Variants in DLGAP2 observed in about 807,000 individuals in gnomAD.
The protein encoded by DLGAP2 is DLG associated protein 2.
Under a neutral mutation model 100.3 loss-of-function variants are expected in DLGAP2, and 26 were observed. That is an observed-to-expected ratio of 0.26 (90% CI 0.19 to 0.36). The LOEUF (loss-of-function observed/expected upper bound fraction) is 0.36, where lower values mean the gene tolerates loss of function less well. Among genes scored for constraint, DLGAP2 ranks in the 10% least tolerant of loss-of-function variants. The pLI, the probability that DLGAP2 is intolerant of heterozygous loss-of-function variation, is 1.00. For synonymous variants in DLGAP2, 886 were observed against 630.1 expected (o/e 1.41, Z -6.08); for missense variants, 1,858 against 1,453.2 (o/e 1.28, Z -4.53).
intron 1 of DLGAP2, among the ~76,000 whole-genome samples, chr8:817,073 G>A (rs1167614298): frequency 1.3e-5 from 2 of 151,716 alleles, no homozygotes; most frequent in African/African-American, 2.4e-5. Context: ...CCTGGGAGGC[G>A]GGGCTTTCAG....
At chr8:1,417,873 C>G (rs987491329) in intron 3 of DLGAP2, among the ~76,000 whole-genome samples, 23 of 152,274 alleles carry the variant, frequency 1.5e-4, no homozygotes, top group African/African-American at 3.9e-4. Context: ...TCAGAGTTCA[C>G]AACACAAAAG....
chr8:903,892 G>C (rs1798318453), intron 1 of DLGAP2, among the ~76,000 whole-genome samples: 1 of 152,212 alleles, frequency 6.6e-6, no homozygotes, highest in African/African-American at 2.4e-5. Flanking sequence ...CACTTCCCCA[G>C]CTCAGACTCA....
intron 2 of DLGAP2, among the ~76,000 whole-genome samples, chr8:1,227,192 C>CTATATTATA (rs1798440035): frequency 1.4e-5 from 1 of 71,282 alleles, no homozygotes; most frequent in African/African-American, 9.7e-5. Flanking sequence ...TATATATTAT[C>CTATATTATA]CATTCATTTT....
rs775679333 is a variant in DLGAP2 at position 1,549,557 on chromosome 8, C to T, written c.1104C>T (p.Arg368=). Residue 368 remains arginine, a synonymous_variant, in exon 5 of 15, where the codon CGC becomes CGT. Coordinates refer to ENST00000637795, the MANE Select transcript of DLGAP2 (RefSeq NM_001346810.2). Reference sequence around the variant, plus strand: ...CGCCCGACGCCAAGTACCTGAAGCGCAGCTCCTGGTCTACGCTGACGGTCA... The same window carrying T: ...CGCCCGACGCCAAGTACCTGAAGCGTAGCTCCTGGTCTACGCTGACGGTCA... The part of the protein sequence containing the change: ...ALTPDAKYLK[R]SSWSTLTVSQ... The T allele has an allele frequency of 4.3e-6, 7 of 1,613,214 alleles. No homozygotes were observed. The highest frequency in any genetic ancestry group is 2.2e-5 in the South Asian group (2 of 91,084).
At chr8:764,336 C>G (rs556108739) in intron 1 of DLGAP2, among the ~76,000 whole-genome samples, 1 of 152,298 alleles carries the variant, frequency 6.6e-6, no homozygotes, top group African/African-American at 2.4e-5. Context: ...TCTTTTTAAA[C>G]CTTTACTCGG....
rs553801011 is a variant in DLGAP2 at position 1,358,563 on chromosome 8, C to G, written c.106+99680C>G. 3.9e-5 allele frequency among the ~76,000 whole-genome samples: 6 copies of G among 152,260 alleles called. No homozygotes were observed. In the South Asian group the frequency reaches 1.0e-3, roughly 26 times the overall value. On this transcript the variant is annotated intron_variant, in intron 3 of 14. Transcript: ENST00000637795. ...TAACATCACGCTGGAGACCTCAAATCTATTCAATAAAACTTAGTGCAAGAA... is the reference window on the plus strand; with the variant it reads ...TAACATCACGCTGGAGACCTCAAATGTATTCAATAAAACTTAGTGCAAGAA...
intron 4 of DLGAP2, among the ~76,000 whole-genome samples, chr8:1,526,438 C>T (rs1381523033): frequency 6.6e-6 from 1 of 152,080 alleles, no homozygotes; most frequent in African/African-American, 2.4e-5. Context: ...GATTTAGACT[C>T]ATTCAACTTA....
At chr8:1,528,822 C>T (rs1800883988) in intron 4 of DLGAP2, among the ~76,000 whole-genome samples, 1 of 152,218 alleles carries the variant, frequency 6.6e-6, no homozygotes, top group African/African-American at 2.4e-5. Flanking sequence ...GGACTGGGAG[C>T]TCCCCTTTTA....
At position 1,537,916 on chromosome 8, in the gene DLGAP2, C is replaced by T. The variant is rs140549672; in HGVS notation, c.173-10710C>T. Among the ~76,000 whole-genome samples, 345 of 152,306 alleles carry T rather than the reference C, an allele frequency of 2.3e-3. 1 individual carries two copies. Among genetic ancestry groups the T allele is most frequent in the African/African-American group, 7.8e-3 (325 of 41,570 alleles). On this transcript the variant is annotated intron_variant, in intron 4 of 14. Transcript: ENST00000637795. ...AAGATGCTCATAGGAGAAGAAAGCT[C>T]TTACAATGGGTCTTAAAGATGGATG...
chr8:1,606,928 A>G (rs1457337685), intron 6 of DLGAP2, among the ~76,000 whole-genome samples: 2 of 152,136 alleles, frequency 1.3e-5, no homozygotes, highest in Non-Finnish European at 2.9e-5. Context: ...CGAGAGATCC[A>G]CCTACCGCAG....
intron 1 of DLGAP2, among the ~76,000 whole-genome samples, chr8:874,362 C>G (rs1797651796): frequency 6.6e-6 from 1 of 152,058 alleles, no homozygotes; most frequent in Admixed American, 6.6e-5. Context: ...CCCTTGAACC[C>G]TGCTTTGGCT....
chr8:1,433,282 C>T (rs537623092), intron 3 of DLGAP2, among the ~76,000 whole-genome samples: 2 of 152,234 alleles, frequency 1.3e-5, no homozygotes, highest in African/African-American at 2.4e-5. Flanking sequence ...CTCTGCTCTA[C>T]ATGTTCCGAA....
At chr8:1,284,937 C>T (rs1799892859) in intron 3 of DLGAP2, among the ~76,000 whole-genome samples, 1 of 152,188 alleles carries the variant, frequency 6.6e-6, no homozygotes, top group Non-Finnish European at 1.5e-5. Context: ...TTTTTGCCTG[C>T]CCATCTTTGC....
intron 3 of DLGAP2, among the ~76,000 whole-genome samples, chr8:1,471,704 A>T (rs555791042): frequency 6.6e-6 from 1 of 152,270 alleles, no homozygotes; most frequent in South Asian, 2.1e-4. Flanking sequence ...AAGACCAAGA[A>T]GGGTTCATAT....
intron 1 of DLGAP2, among the ~76,000 whole-genome samples, chr8:813,770 T>G (rs1168267953): frequency 1.3e-5 from 2 of 152,112 alleles, no homozygotes; most frequent in East Asian, 1.9e-4. Context: ...GGGTTCTTTC[T>G]CCCTCCACTG....
chr8:1,408,975 A>T (rs1796651904), intron 3 of DLGAP2, among the ~76,000 whole-genome samples: 1 of 152,234 alleles, frequency 6.6e-6, no homozygotes, highest in Admixed American at 6.5e-5. Context: ...TTGGGGAAGC[A>T]TCAGTTAATT....
chr8:815,775 A>T (rs1034969999), intron 1 of DLGAP2, among the ~76,000 whole-genome samples: 1 of 152,244 alleles, frequency 6.6e-6, no homozygotes. Flanking sequence ...CAGAGGCCAT[A>T]CTGAAAGGAG....
At chr8:763,799 A>G (rs1821145526) in intron 1 of DLGAP2, among the ~76,000 whole-genome samples, 1 of 152,260 alleles carries the variant, frequency 6.6e-6, no homozygotes, top group South Asian at 2.1e-4. Flanking sequence ...GAATTTAAAA[A>G]AAATGAAAAG....
chr8:1,566,035 C>A, intron 6 of DLGAP2, 141 bp downstream of exon 6: 2 of 580,308 alleles, frequency 3.4e-6, no homozygotes, highest in South Asian at 8.8e-5. Flanking sequence ...CCATGGCTGT[C>A]AATTTTCAAG....
Sources: allele counts gnomAD v4.1 joint callset (sites outside exome capture counted in the v4.1 genomes callset), GRCh38; gene constraint gnomAD v4.1.1; transcripts MANE v1.5; gene names NCBI Gene and HGNC (gene_info 2026-07-23, HGNC 2026-07-21).